Variants in TAB2 observed in about 807,000 individuals in gnomAD.
TAB2 encodes TGF-beta-activated kinase 1 and MAP3K7-binding protein 2.
Under a neutral mutation model 65.0 loss-of-function variants are expected in TAB2, and 3 were observed. The ratio of observed to expected loss-of-function variants is 0.05; its 90% confidence interval spans 0.02 to 0.12. The LOEUF is 0.12. TAB2 is among the 10% of genes least tolerant of loss of function. TAB2 has a pLI of 1.00. For synonymous variants in TAB2, 298 were observed against 285.1 expected (o/e 1.05, Z -0.46); for missense variants, 623 against 840.3 (o/e 0.74, Z 3.20).
intron 1 of TAB2, among the ~76,000 whole-genome samples, chr6:149,270,851 G>C (rs1277772216): frequency 5.3e-5 from 8 of 152,102 alleles, no homozygotes; most frequent in Non-Finnish European, 1.2e-4. Flanking sequence ...TCACATAAAA[G>C]AGTGGTGAAG....
At chr6:149,226,608 A>C (rs1361283244) in intron 1 of TAB2, among the ~76,000 whole-genome samples, 1 of 152,258 alleles carries the variant, frequency 6.6e-6, no homozygotes, top group African/African-American at 2.4e-5. Flanking sequence ...GTCAGAAAGC[A>C]GAAAGATAGG....
chr6:149,392,825 GTC>G (rs1782035931), intron 3 of TAB2, among the ~76,000 whole-genome samples: 1 of 152,182 alleles, frequency 6.6e-6, no homozygotes, highest in South Asian at 2.1e-4. Context: ...GAGCAAAAGT[GTC>G]TCTGCTGTTT....
intron 1 of TAB2, among the ~76,000 whole-genome samples, chr6:149,236,574 G>A (rs778711808): frequency 2.0e-5 from 3 of 152,330 alleles, no homozygotes; most frequent in Non-Finnish European, 4.4e-5. Flanking sequence ...AAAGAGATAG[G>A]AGGCTAATCA....
intron 1 of TAB2, among the ~76,000 whole-genome samples, chr6:149,285,587 C>T (rs1778662442): frequency 6.6e-6 from 1 of 152,220 alleles, no homozygotes; most frequent in South Asian, 2.1e-4. Flanking sequence ...TTGTGTGATA[C>T]TTACATACCC....
intron 1 of TAB2, among the ~76,000 whole-genome samples, chr6:149,249,718 C>T (rs145434369): frequency 6.6e-6 from 1 of 152,228 alleles, no homozygotes; most frequent in African/African-American, 2.4e-5. Flanking sequence ...TCTCAGGCTC[C>T]CGCTTTCCTG....
chr6:149,379,089 A>C lies in TAB2; in HGVS notation c.1174A>C (p.Asn392His), dbSNP rs1781515455. ...RSQPKVYISANAATGDEQVMR... is the reference protein window; with the variant it reads ...RSQPKVYISAHAATGDEQVMR... The stretch of plus-strand genomic sequence containing the variant: ...TCAACCTAAGGTCTATATTTCAGCG[A>C]ATGCTGCCACAGGAGATGAACAGGT... Residue 392 changes from asparagine (N) to histidine (H), a missense_variant, in exon 3 of 7, where the codon AAT (asparagine) becomes CAT (histidine). Coordinates refer to ENST00000637181, the MANE Select transcript of TAB2 (RefSeq NM_001292034.3). 1 of 1,614,196 alleles carries C rather than the reference A, an allele frequency of 6.2e-7. No individual in the cohort carries two copies. Among genetic ancestry groups the C allele is most frequent in the Non-Finnish European group, 8.5e-7 (1 of 1,180,040 alleles).
At chr6:149,274,165 A>C (rs927752709) in intron 1 of TAB2, among the ~76,000 whole-genome samples, 8 of 152,220 alleles carry the variant, frequency 5.3e-5, no homozygotes, top group African/African-American at 1.7e-4. Context: ...TCAATTTTCC[A>C]TGTGACATAA....
chr6:149,348,624 A>G (rs1279450694), intron 1 of TAB2, among the ~76,000 whole-genome samples: 2 of 151,728 alleles, frequency 1.3e-5, no homozygotes, highest in Non-Finnish European at 2.9e-5. Context: ...GAAAAAAAAA[A>G]GGAATTATGG....
chr6:149,229,656 G>A (rs1222972948), intron 1 of TAB2, among the ~76,000 whole-genome samples: 2 of 152,102 alleles, frequency 1.3e-5, no homozygotes, highest in African/African-American at 4.8e-5. Context: ...GATCCAGCAG[G>A]GCCGGGATCT....
intron 6 of TAB2, chr6:149,400,521 A>G: frequency 6.2e-7 from 1 of 1,614,262 alleles, no homozygotes; most frequent in Non-Finnish European, 8.5e-7. Flanking sequence ...TAGTAAACTA[A>G]TGAAAGCCTA....
At chr6:149,331,901 A>G (rs1394937036) in intron 1 of TAB2, among the ~76,000 whole-genome samples, 1 of 152,174 alleles carries the variant, frequency 6.6e-6, no homozygotes, top group Non-Finnish European at 1.5e-5. Flanking sequence ...AAACAGGGAA[A>G]ATATATTAGA....
chr6:149,269,682 G>A (rs577675371), intron 1 of TAB2, among the ~76,000 whole-genome samples: 9 of 152,218 alleles, frequency 5.9e-5, no homozygotes, highest in South Asian at 4.1e-4. Flanking sequence ...TGTATCATTC[G>A]TTTCATAAGG....
intron 2 of TAB2, among the ~76,000 whole-genome samples, chr6:149,377,031 G>C (rs1420828294): frequency 6.6e-6 from 1 of 150,546 alleles, no homozygotes; most frequent in Non-Finnish European, 1.5e-5. Flanking sequence ...GAGATGACTG[G>C]TATGAATTTC....
At chr6:149,348,218 G>T (rs474726) in intron 1 of TAB2, among the ~76,000 whole-genome samples, 139,357 of 152,012 alleles carry the variant, frequency 0.92, 64,029 homozygotes, top group African/African-American at 0.98. Context: ...TATAGGGAGA[G>T]CCTACCAAAA....
chr6:149,371,776 G>A (rs1275824165), intron 2 of TAB2, among the ~76,000 whole-genome samples: 1 of 151,936 alleles, frequency 6.6e-6, no homozygotes, highest in Non-Finnish European at 1.5e-5. Flanking sequence ...AGCCCATAAG[G>A]TATATTTGGT....
Position 149,298,368 on chromosome 6 carries a change from C to T in TAB2, c.-121+79592C>T, listed in dbSNP as rs184463284. On this transcript the variant is annotated intron_variant, in intron 1 of 1. Transcript: ENST00000606202. ...ATTGGCCCAGCCCATGGCTCAGCCA[C>T]GTGTAATTCCAGCACTTGGGGAAGC... Among the ~76,000 whole-genome samples, 652 of 152,294 alleles carry T rather than the reference C, an allele frequency of 4.3e-3. 5 individuals carry two copies. Among genetic ancestry groups the T allele is most frequent in the Non-Finnish European group, 4.9e-3 (335 of 68,022 alleles).
At chr6:149,248,768 C>T (rs1777793518) in intron 1 of TAB2, among the ~76,000 whole-genome samples, 1 of 152,138 alleles carries the variant, frequency 6.6e-6, no homozygotes, top group South Asian at 2.1e-4. Context: ...CTTGACCAGC[C>T]CCCCAGTGCT....
At chr6:149,254,725 G>T (rs1332056425) in intron 1 of TAB2, among the ~76,000 whole-genome samples, 1 of 152,158 alleles carries the variant, frequency 6.6e-6, no homozygotes. Flanking sequence ...AATGAAATCA[G>T]TTGAGGTATT....
At chr6:149,351,744 C>G (rs1173005055) in intron 1 of TAB2, among the ~76,000 whole-genome samples, 3 of 152,130 alleles carry the variant, frequency 2.0e-5, no homozygotes, top group African/African-American at 7.2e-5. Flanking sequence ...CCATGGAATC[C>G]TAGAATTTAT....
Sources: allele counts gnomAD v4.1 joint callset (sites outside exome capture counted in the v4.1 genomes callset), GRCh38; gene constraint gnomAD v4.1.1; transcripts MANE v1.5; gene names NCBI Gene and HGNC (gene_info 2026-07-23, HGNC 2026-07-21).